The following PLXNA4 variants were observed in gnomAD, a reference collection of about 807,000 sequenced individuals.
PLXNA4 encodes the protein plexin A4.
In PLXNA4, 44 loss-of-function variants were observed where a neutral mutation model predicts 191.8. That is an observed-to-expected ratio of 0.23 (90% confidence interval 0.18 to 0.29). The LOEUF (loss-of-function observed/expected upper bound fraction) is 0.29. PLXNA4 is among the 10% of genes least tolerant of loss of function. The pLI is 1.00. For synonymous variants in PLXNA4, 1,082 were observed against 1,009.5 expected (o/e 1.07, Z -1.36); for missense variants, 1,800 against 2,488.8 (o/e 0.72, Z 5.89).
chr7:132,395,189 G>C (rs1172913536), intron 3 of PLXNA4, among the ~76,000 whole-genome samples: 1 of 151,734 alleles, frequency 6.6e-6, no homozygotes, highest in Non-Finnish European at 1.5e-5. Context: ...GTCTGGACTG[G>C]AGTGGAAGTC....
At chr7:132,473,613 C>T (rs988595426) in intron 3 of PLXNA4, among the ~76,000 whole-genome samples, 18 of 152,234 alleles carry the variant, frequency 1.2e-4, no homozygotes, top group East Asian at 9.7e-4. Context: ...AAGAGTGGTT[C>T]GTATCACACT....
chr7:132,383,444 A>G (rs1425988683), intron 3 of PLXNA4: 5 of 478,784 alleles, frequency 1.0e-5, no homozygotes, highest in Admixed American at 6.4e-5. Context: ...AGAAAACAAT[A>G]AATAAACCAC....
intron 3 of PLXNA4, chr7:132,383,622 A>G: frequency 1.0e-6 from 1 of 983,726 alleles, no homozygotes; most frequent in Non-Finnish European, 1.2e-6. Flanking sequence ...TAAGTTTTCA[A>G]TGACTACATA....
At chr7:132,206,437 G>GGGGT (rs147575476) in intron 10 of PLXNA4, among the ~76,000 whole-genome samples, 5 of 148,334 alleles carry the variant, frequency 3.4e-5, no homozygotes, top group African/African-American at 1.2e-4. Flanking sequence ...TATGTTTTCT[G>GGGGT]GTGTGTGTGT....
intron 3 of PLXNA4, among the ~76,000 whole-genome samples, chr7:132,411,383 A>G (rs1794454026): frequency 1.3e-5 from 2 of 152,218 alleles, no homozygotes; most frequent in Non-Finnish European, 2.9e-5. Context: ...CTGATGCGTA[A>G]TTGACAAGAC....
At chr7:132,610,573 C>T (rs1048732962) in intron 2 of PLXNA4, among the ~76,000 whole-genome samples, 1 of 152,260 alleles carries the variant, frequency 6.6e-6, no homozygotes, top group Non-Finnish European at 1.5e-5. Context: ...TCTCTCTCTG[C>T]TGTCTGCAGC....
chr7:132,196,815 T>C (rs1478337399), intron 13 of PLXNA4, among the ~76,000 whole-genome samples: 1 of 152,242 alleles, frequency 6.6e-6, no homozygotes, highest in Non-Finnish European at 1.5e-5. Flanking sequence ...AATTTGCATT[T>C]AATTGATTAC....
intron 2 of PLXNA4, among the ~76,000 whole-genome samples, chr7:132,641,540 T>G (rs1424496213): frequency 1.3e-5 from 2 of 152,164 alleles, no homozygotes; most frequent in Non-Finnish European, 2.9e-5. Context: ...GGGTTAGAGC[T>G]CCAACATGTG....
At chr7:132,186,224 A>G (rs1320072622) in intron 15 of PLXNA4, among the ~76,000 whole-genome samples, 1 of 152,176 alleles carries the variant, frequency 6.6e-6, no homozygotes, top group Non-Finnish European at 1.5e-5. Flanking sequence ...AGTTCATGAC[A>G]GGTGTGCCCT....
At chr7:132,595,010 TAGATAGATAGACAGACAGAC>T (rs1337351841) in intron 2 of PLXNA4, among the ~76,000 whole-genome samples, 3 of 20,188 alleles carry the variant, frequency 1.5e-4, no homozygotes, top group African/African-American at 2.9e-4. Context: ...GATAGATAGA[TAGATAGATAGACAGACAGAC>T]AGACAGACAG....
chr7:132,628,876 C>A (rs1308238978), intron 2 of PLXNA4, among the ~76,000 whole-genome samples: 1 of 152,202 alleles, frequency 6.6e-6, no homozygotes, highest in Non-Finnish European at 1.5e-5. Flanking sequence ...CTACACTACG[C>A]CTTGCATTCA....
At chr7:132,336,473 A>G (rs1355017666) in intron 3 of PLXNA4, among the ~76,000 whole-genome samples, 1 of 152,186 alleles carries the variant, frequency 6.6e-6, no homozygotes, top group Non-Finnish European at 1.5e-5. Flanking sequence ...CTTGGTACTT[A>G]GCCTGATCTC....
At chr7:132,555,045 G>GAAAACAAAAAACA (rs1554467855) in intron 1 of PLXNA4, among the ~76,000 whole-genome samples, 1 of 111,942 alleles carries the variant, frequency 8.9e-6, no homozygotes, top group African/African-American at 3.7e-5. Flanking sequence ...AAACCTGAAG[G>GAAAACAAAAAACA]AAAAAAAAAA....
chr7:132,451,137 A>T (rs1323251222), intron 3 of PLXNA4, among the ~76,000 whole-genome samples: 1 of 152,214 alleles, frequency 6.6e-6, no homozygotes, highest in Non-Finnish European at 1.5e-5. Flanking sequence ...AAGGAGCGTG[A>T]GGCCAGGTGT....
At position 132,348,399 on chromosome 7, in the gene PLXNA4, A is replaced by G. The variant is rs559650318; in HGVS notation, c.1372-50177T>C. On this transcript the variant is annotated intron_variant, in intron 3 of 31. Transcript: ENST00000321063. Reference sequence around the variant, plus strand: ...CTTGAGGGAAGTCCAGCCCAAGGACACAACCGACAAATCCAACAGTTTGTG... The same window carrying G: ...CTTGAGGGAAGTCCAGCCCAAGGACGCAACCGACAAATCCAACAGTTTGTG... Among the ~76,000 whole-genome samples, 326 of 152,366 alleles carry G rather than the reference A, an allele frequency of 2.1e-3. 1 individual carries two copies. Among genetic ancestry groups the G allele is most frequent in the African/African-American group, 7.5e-3 (312 of 41,580 alleles).
At chr7:132,188,956 A>AGGAGAGGAGAGGAG (rs1562908616) in intron 14 of PLXNA4, among the ~76,000 whole-genome samples, 2 of 47,548 alleles carry the variant, frequency 4.2e-5, no homozygotes, top group Non-Finnish European at 1.2e-4. Context: ...CCAGAGAGGA[A>AGGAGAGGAGAGGAG]AGGAAAGGAA....
intron 3 of PLXNA4, among the ~76,000 whole-genome samples, chr7:132,361,958 C>T (rs1217391243): frequency 6.6e-6 from 1 of 152,174 alleles, no homozygotes; most frequent in Non-Finnish European, 1.5e-5. Context: ...TTCTTTCCTT[C>T]ACTTCCATCA....
chr7:132,617,776 C>G (rs1426623175), intron 2 of PLXNA4, among the ~76,000 whole-genome samples: 2 of 152,160 alleles, frequency 1.3e-5, no homozygotes, highest in African/African-American at 4.8e-5. Context: ...TCTCTTAAAC[C>G]TGATATATGA....
intron 3 of PLXNA4, among the ~76,000 whole-genome samples, chr7:132,453,832 G>A (rs937913470): frequency 6.6e-5 from 10 of 152,134 alleles, no homozygotes; most frequent in African/African-American, 9.7e-5. Context: ...GAGCCACCGC[G>A]CCCAGCCAAT....
Sources: allele counts gnomAD v4.1 joint callset (sites outside exome capture counted in the v4.1 genomes callset), GRCh38; gene constraint gnomAD v4.1.1; transcripts MANE v1.5; gene names NCBI Gene and HGNC (gene_info 2026-07-23, HGNC 2026-07-21).